Variants in KLHL1 observed in about 807,000 individuals in gnomAD.
The protein encoded by KLHL1 is kelch-like protein 1.
In KLHL1, 47 loss-of-function variants were observed where a neutral mutation model predicts 77.7. That is an observed-to-expected ratio of 0.60 (90% CI 0.48 to 0.77). The LOEUF (loss-of-function observed/expected upper bound fraction) is 0.77, where lower values mean the gene tolerates loss of function less well. Among genes scored for constraint, KLHL1 ranks in the 30% least tolerant of loss-of-function variants. The pLI is 0.00. For missense variants in KLHL1, 925 were observed against 910.8 expected (o/e 1.02, Z -0.20); for synonymous variants, 360 against 325.2 (o/e 1.11, Z -1.15).
chr13:70,088,804 T>TTCATGTACATATGAAAAAGA (rs1255405813), intron 1 of KLHL1, among the ~76,000 whole-genome samples: 12 of 152,282 alleles, frequency 7.9e-5, no homozygotes, highest in Admixed American at 3.9e-4. Context: ...TACTTTTATA[T>TTCATGTACATATGAAAAAGA]TCATGTACAT....
At chr13:69,711,350 G>A (rs940167138) in intron 9 of KLHL1, among the ~76,000 whole-genome samples, 1 of 151,866 alleles carries the variant, frequency 6.6e-6, no homozygotes, top group Admixed American at 6.6e-5. Context: ...AATAAATGAA[G>A]GTCCATGCTG....
At chr13:69,935,082 T>C (rs1883138477) in intron 4 of KLHL1, among the ~76,000 whole-genome samples, 1 of 150,980 alleles carries the variant, frequency 6.6e-6, no homozygotes, top group South Asian at 2.1e-4. Flanking sequence ...TAAATAGTTA[T>C]ACTTTATAAT....
intron 8 of KLHL1, 32 bp from the exon 9 acceptor site, chr13:69,719,613 T>A (rs1872950763): frequency 6.5e-7 from 1 of 1,541,964 alleles, no homozygotes; most frequent in South Asian, 1.1e-5. Flanking sequence ...TGTGATTTAA[T>A]ATCATAGTCT....
chr13:69,817,610 A>T (rs548113933), intron 6 of KLHL1, among the ~76,000 whole-genome samples: 17 of 152,294 alleles, frequency 1.1e-4, no homozygotes, highest in South Asian at 4.1e-4. Context: ...CCCTAGGGAG[A>T]CTATTTCTCT....
At chr13:69,883,211 TTTTTG>T (rs755900992) in intron 4 of KLHL1, among the ~76,000 whole-genome samples, 8 of 152,130 alleles carry the variant, frequency 5.3e-5, no homozygotes, top group East Asian at 1.9e-4. Context: ...TATTCTGAAG[TTTTTG>T]TTTTGTTTTG....
chr13:70,093,770 G>A (rs572860195), intron 1 of KLHL1, among the ~76,000 whole-genome samples: 1 of 152,226 alleles, frequency 6.6e-6, no homozygotes, highest in East Asian at 1.9e-4. Context: ...GCCACAGATG[G>A]ATAGCTCATC....
chr13:69,997,664 T>C (rs959579521), intron 1 of KLHL1, among the ~76,000 whole-genome samples: 64 of 119,720 alleles, frequency 5.3e-4, no homozygotes, highest in African/African-American at 2.0e-3. Context: ...CTAAATAATA[T>C]ATTATATATA....
chr13:69,732,127 C>T (rs9542065), intron 8 of KLHL1, among the ~76,000 whole-genome samples: 8,004 of 152,026 alleles, frequency 0.053, 387 homozygotes, highest in African/African-American at 0.12. Flanking sequence ...AAGTCTGCAT[C>T]GGAGATACAA....
At chr13:70,050,140 A>G (rs893122701) in intron 1 of KLHL1, among the ~76,000 whole-genome samples, 9 of 151,938 alleles carry the variant, frequency 5.9e-5, no homozygotes, top group Non-Finnish European at 1.0e-4. Context: ...CTCTAATTTT[A>G]TAATATTCAT....
intron 1 of KLHL1, among the ~76,000 whole-genome samples, chr13:70,100,654 T>C (rs991427903): frequency 5.3e-5 from 8 of 152,212 alleles, no homozygotes; most frequent in African/African-American, 1.9e-4. Flanking sequence ...CTTATATTTA[T>C]ATTTCAAGAT....
At chr13:69,915,728 C>T (rs1882408415) in intron 4 of KLHL1, among the ~76,000 whole-genome samples, 1 of 151,920 alleles carries the variant, frequency 6.6e-6, no homozygotes, top group African/African-American at 2.4e-5. Context: ...GCAACAAAAG[C>T]CAAAATTGAC....
At chr13:69,898,759 C>T (rs116918578) in intron 4 of KLHL1, among the ~76,000 whole-genome samples, 1,617 of 152,284 alleles carry the variant, frequency 0.011, 11 homozygotes, top group Middle Eastern at 0.044. Context: ...ATTGCCTCTT[C>T]TGACAAATTA....
intron 1 of KLHL1, among the ~76,000 whole-genome samples, chr13:70,003,345 A>C (rs1490312404): frequency 2.6e-5 from 4 of 151,780 alleles, no homozygotes; most frequent in African/African-American, 7.2e-5. Context: ...ACATAAGAAG[A>C]AGCAATCAGA....
intron 1 of KLHL1, among the ~76,000 whole-genome samples, chr13:69,982,719 A>T (rs1884746258): frequency 6.6e-6 from 1 of 151,904 alleles, no homozygotes; most frequent in Admixed American, 6.6e-5. Flanking sequence ...GAAACCAAAA[A>T]AGAACACTAC....
intron 1 of KLHL1, among the ~76,000 whole-genome samples, chr13:70,075,586 T>TATATATATATATAC (rs1436181147): frequency 6.3e-5 from 7 of 111,794 alleles, no homozygotes; most frequent in Non-Finnish European, 1.1e-4. Flanking sequence ...TATATATATA[T>TATATATATATATAC]ATACACACAC....
intron 6 of KLHL1, among the ~76,000 whole-genome samples, chr13:69,824,115 G>A (rs970032923): frequency 1.3e-5 from 2 of 151,988 alleles, no homozygotes; most frequent in African/African-American, 4.8e-5. Flanking sequence ...GACTACTTGA[G>A]TGTGAAACAG....
At chr13:70,029,391 C>G (rs183055231) in intron 1 of KLHL1, among the ~76,000 whole-genome samples, 52 of 152,260 alleles carry the variant, frequency 3.4e-4, no homozygotes, top group African/African-American at 1.1e-3. Context: ...GAAGGTGAAG[C>G]CTGATATTTG....
intron 1 of KLHL1, among the ~76,000 whole-genome samples, chr13:70,006,212 G>A (rs1020929557): frequency 6.6e-6 from 1 of 151,866 alleles, no homozygotes; most frequent in African/African-American, 2.4e-5. Flanking sequence ...TTTTAAGGCC[G>A]AATAATATTC....
At chr13:70,057,782 CAAAAA>C (rs60920874) in intron 1 of KLHL1, among the ~76,000 whole-genome samples, 12 of 62,272 alleles carry the variant, frequency 1.9e-4, no homozygotes, top group African/African-American at 8.2e-4. Context: ...GACTCCGTCT[CAAAAA>C]AAAAAAAAAA....
Sources: allele counts gnomAD v4.1 joint callset (sites outside exome capture counted in the v4.1 genomes callset), GRCh38; gene constraint gnomAD v4.1.1; transcripts MANE v1.5; gene names NCBI Gene and HGNC (gene_info 2026-07-23, HGNC 2026-07-21).